SCHIP1: variants seen among roughly 807,000 people sequenced by gnomAD.
The protein encoded by SCHIP1 is schwannomin-interacting protein 1.
In SCHIP1, 8 loss-of-function variants were observed where a neutral mutation model predicts 29.7. The ratio of observed to expected loss-of-function variants is 0.27; its 90% CI spans 0.16 to 0.49. The LOEUF (loss-of-function observed/expected upper bound fraction) is 0.49, where lower values mean the gene tolerates loss of function less well. Ranked by LOEUF, SCHIP1 falls within the 20% of genes least tolerant of loss-of-function variation. The pLI, the probability that SCHIP1 is intolerant of heterozygous loss-of-function variation, is 0.99. For missense variants in SCHIP1, 193 were observed against 294.6 expected, an observed-to-expected ratio of 0.66 and a Z score of 2.52; for synonymous variants, 76 against 94.9, an observed-to-expected ratio of 0.80 and a Z score of 1.16.
At chr3:159,887,413 A>C (rs1190106262) in intron 3 of SCHIP1, 1 of 321,450 alleles carries the variant, frequency 3.1e-6, no homozygotes, top group Non-Finnish European at 5.8e-6. Flanking sequence ...ATATTTTGTT[A>C]TGTCTGTTCA....
chr3:159,896,072 GA>G (rs556376955), intron 6 of SCHIP1, among the ~76,000 whole-genome samples: 1 of 152,192 alleles, frequency 6.6e-6, no homozygotes, highest in Non-Finnish European at 1.5e-5. Flanking sequence ...TAATTGGGGG[GA>G]AAAACATGCA....
chr3:159,765,264 GC>G, the SCHIP1 span: 1 of 1,167,238 alleles, frequency 8.6e-7, no homozygotes, highest in Non-Finnish European at 1.2e-6. Flanking sequence ...GAGGGTGGGG[GC>G]CAGGCCAGAG....
the SCHIP1 span, among the ~76,000 whole-genome samples, chr3:159,376,231 G>A: frequency 1.3e-5 from 2 of 152,116 alleles, no homozygotes; most frequent in South Asian, 4.1e-4. Flanking sequence ...CAAAAAGGAA[G>A]CAGTATTCTA....
chr3:159,841,258 A>G (rs958037555), intron 1 of SCHIP1, among the ~76,000 whole-genome samples: 2 of 152,258 alleles, frequency 1.3e-5, no homozygotes, highest in South Asian at 2.1e-4. Context: ...ACGTGTGCCT[A>G]TGAAATGTAT....
the SCHIP1 span, among the ~76,000 whole-genome samples, chr3:159,579,165 G>A: frequency 6.6e-6 from 1 of 152,138 alleles, no homozygotes; most frequent in African/African-American, 2.4e-5. Flanking sequence ...ATTTTTGAAT[G>A]GAGTCCAATT....
chr3:159,694,153 G>A, the SCHIP1 span, among the ~76,000 whole-genome samples: 4 of 152,180 alleles, frequency 2.6e-5, no homozygotes, highest in African/African-American at 9.6e-5. Flanking sequence ...CCCTATCTGG[G>A]CTTTCAAATC....
the SCHIP1 span, among the ~76,000 whole-genome samples, chr3:159,378,070 A>C: frequency 6.6e-6 from 1 of 152,252 alleles, no homozygotes; most frequent in South Asian, 2.1e-4. Context: ...ATATATTCGT[A>C]ACAATAATGA....
At chr3:159,764,700 C>CGACCAGCGAGGGTACCGGGAT in the SCHIP1 span, 1 of 1,576,744 alleles carries the variant, frequency 6.3e-7, no homozygotes, top group African/African-American at 1.4e-5. The surrounding 1 kb of genome is among the most constrained non-coding windows in gnomAD (Gnocchi z 6.1). Context: ...AGGACGAGCG[C>CGACCAGCGAGGGTACCGGGAT]GACCAGCGAG....
the SCHIP1 span, among the ~76,000 whole-genome samples, chr3:159,421,498 T>C: frequency 6.6e-6 from 1 of 152,030 alleles, no homozygotes; most frequent in Admixed American, 6.6e-5. Flanking sequence ...CTTTATACTA[T>C]GAAAAAGGAG....
chr3:159,849,615 A>C (rs1712305833), intron 1 of SCHIP1, among the ~76,000 whole-genome samples: 2 of 152,134 alleles, frequency 1.3e-5, no homozygotes, highest in Admixed American at 6.5e-5. Context: ...GAGCTTTTCA[A>C]GCTGTAGTCT....
chr3:159,510,088 A>G, the SCHIP1 span, among the ~76,000 whole-genome samples: 8 of 152,192 alleles, frequency 5.3e-5, no homozygotes, highest in African/African-American at 1.9e-4. Context: ...CATTCTCGCC[A>G]TCACTTGCAG....
the SCHIP1 span, among the ~76,000 whole-genome samples, chr3:159,313,401 A>G: frequency 4.6e-5 from 7 of 152,336 alleles, no homozygotes; most frequent in South Asian, 2.1e-4. Context: ...GACAGCCACT[A>G]CATTTTGTTG....
the SCHIP1 span, among the ~76,000 whole-genome samples, chr3:159,548,718 A>T: frequency 6.6e-6 from 1 of 151,886 alleles, no homozygotes; most frequent in Non-Finnish European, 1.5e-5. Context: ...AATTTTTTTT[A>T]GTTCTGGAAG....
At chr3:159,550,680 C>G in the SCHIP1 span, among the ~76,000 whole-genome samples, 1 of 151,888 alleles carries the variant, frequency 6.6e-6, no homozygotes, top group Non-Finnish European at 1.5e-5. Context: ...CTGTTTTTAT[C>G]TCATAATTGA....
chr3:159,534,548 G>A, the SCHIP1 span, among the ~76,000 whole-genome samples: 3 of 152,082 alleles, frequency 2.0e-5, no homozygotes, highest in African/African-American at 7.2e-5. Context: ...TTCTCAAGTT[G>A]CCTTGGGTGT....
At chr3:159,860,737 C>T (rs1310199090) in intron 1 of SCHIP1, among the ~76,000 whole-genome samples, 1 of 152,230 alleles carries the variant, frequency 6.6e-6, no homozygotes, top group East Asian at 1.9e-4. Flanking sequence ...CTCCTTCCCA[C>T]AACTGAATCT....
At chr3:159,720,047 A>G in the SCHIP1 span, among the ~76,000 whole-genome samples, 1 of 152,210 alleles carries the variant, frequency 6.6e-6, no homozygotes, top group East Asian at 1.9e-4. Context: ...AATACTATGC[A>G]GCCATAAAAA....
the SCHIP1 span, among the ~76,000 whole-genome samples, chr3:159,470,731 T>C: frequency 3.9e-5 from 6 of 152,112 alleles, no homozygotes; most frequent in Non-Finnish European, 1.5e-5. Context: ...GCAACATTAT[T>C]TCATCAACTG....
chr3:159,354,556 A>C, the SCHIP1 span, among the ~76,000 whole-genome samples: 1 of 152,168 alleles, frequency 6.6e-6, no homozygotes, highest in African/African-American at 2.4e-5. Context: ...CATTCTTCTT[A>C]TTGGAATTTT....
Sources: allele counts gnomAD v4.1 joint callset (sites outside exome capture counted in the v4.1 genomes callset), GRCh38; gene constraint gnomAD v4.1.1; non-coding constraint Gnocchi (gnomAD v3.1); transcripts MANE v1.5; gene names NCBI Gene and HGNC (gene_info 2026-07-23, HGNC 2026-07-21).